SLC25A13: variants seen among roughly 807,000 people sequenced by gnomAD.
SLC25A13 encodes the protein solute carrier family 25 member 13.
In SLC25A13, 70 loss-of-function variants were observed where a neutral mutation model predicts 85.5. That is an observed-to-expected ratio of 0.82 (90% CI 0.68 to 1.00). The LOEUF is 1.00. SLC25A13 is among the 50% of genes least tolerant of loss of function. The pLI is 0.00. For missense variants in SLC25A13, 765 were observed against 819.8 expected (o/e 0.93, Z 0.82); for synonymous variants, 259 against 288.7 (o/e 0.90, Z 1.04).
intron 3 of SLC25A13, among the ~76,000 whole-genome samples, chr7:96,263,996 A>G (rs1465348515): frequency 2.0e-5 from 3 of 151,958 alleles, no homozygotes; most frequent in Non-Finnish European, 2.9e-5. Flanking sequence ...TCACCTTCTC[A>G]CCATCCCTCA....
chr7:96,166,119 T>C (rs558517059), intron 13 of SLC25A13, among the ~76,000 whole-genome samples: 1 of 152,300 alleles, frequency 6.6e-6, no homozygotes, highest in South Asian at 2.1e-4. Flanking sequence ...CCAGTCCCTT[T>C]TAGAACCAGT....
Position 96,184,883 on chromosome 7 carries a change from T to C in SLC25A13, c.1018+44A>G, listed in dbSNP as rs775662045. 6.3e-5 allele frequency: 90 copies of C among 1,418,794 alleles called. 1 individual carries two copies. In the South Asian group the frequency reaches 7.2e-4, roughly 11 times the overall value. 87.9% of individuals were successfully genotyped at this position (1,418,794 alleles called of 1,614,324 possible). ...AGATGGAAAATCAGAGAAAAGAGAATAGGAATAACAAAAGTGAAAATTTTT... is the reference window on the plus strand; with the variant it reads ...AGATGGAAAATCAGAGAAAAGAGAACAGGAATAACAAAAGTGAAAATTTTT... On this transcript the variant is annotated intron_variant, in intron 10 of 17. Coordinates refer to ENST00000265631, the MANE Select transcript of SLC25A13 (RefSeq NM_014251.3).
At chr7:96,299,176 A>T (rs1280981488) in intron 1 of SLC25A13, among the ~76,000 whole-genome samples, 1 of 152,212 alleles carries the variant, frequency 6.6e-6, no homozygotes, top group Admixed American at 6.5e-5. Context: ...GCTATTTCAG[A>T]GTGAACCTCC....
rs148329449 is a variant in SLC25A13, at chr7:96,208,881, C to T, written c.425G>A (p.Arg142Lys). The stretch of plus-strand genomic sequence containing the variant: ...TTCCGCATATGTCAGGTGTCTTTTT[C>T]TTTCTTTTCCAAAATGTAGTTGCAC... ...EFVQLHFGKE[R>K]KRHLTYAEFT... The change falls in exon 5 of 18, where the codon AGA (arginine) becomes AAA (lysine). Residue 142 changes from arginine to lysine, a missense_variant. Coordinates refer to ENST00000265631, the MANE Select transcript of SLC25A13 (RefSeq NM_014251.3). 3.1e-6 allele frequency: 5 copies of T among 1,613,936 alleles called. No individual in the cohort carries two copies. The highest frequency in any genetic ancestry group is 4.2e-6 in the Non-Finnish European group (5 of 1,180,002).
At chr7:96,278,278 A>G (rs1798535439) in intron 2 of SLC25A13, among the ~76,000 whole-genome samples, 1 of 152,182 alleles carries the variant, frequency 6.6e-6, no homozygotes, top group Non-Finnish European at 1.5e-5. Flanking sequence ...ATCTACAAGA[A>G]CAAGCCTAGC....
intron 3 of SLC25A13, among the ~76,000 whole-genome samples, chr7:96,269,405 G>A (rs563017400): frequency 4.5e-4 from 68 of 152,318 alleles, no homozygotes; most frequent in African/African-American, 1.6e-3. Context: ...AAGTCTTTAG[G>A]AAGCAGCCAT....
At chr7:96,313,805 AAAGT>A (rs199851496) in intron 1 of SLC25A13, among the ~76,000 whole-genome samples, 3,144 of 152,300 alleles carry the variant, frequency 0.021, 66 homozygotes, top group African/African-American at 0.055. Context: ...AAAAAAAAAG[AAAGT>A]AAGACCCTTT....
intron 3 of SLC25A13, among the ~76,000 whole-genome samples, chr7:96,267,803 A>G (rs2116913231): frequency 6.6e-6 from 1 of 151,462 alleles, no homozygotes; most frequent in East Asian, 1.9e-4. Flanking sequence ...TCTGTCTCAA[A>G]AAAAAAAAAA....
At chr7:96,235,987 T>G (rs1198496900) in intron 3 of SLC25A13, among the ~76,000 whole-genome samples, 1 of 152,210 alleles carries the variant, frequency 6.6e-6, no homozygotes, top group Admixed American at 6.5e-5. Flanking sequence ...ACTCCAAGTT[T>G]CCGGAGGATA....
intron 14 of SLC25A13, among the ~76,000 whole-genome samples, chr7:96,139,862 T>C (rs966593570): frequency 2.6e-5 from 4 of 152,044 alleles, no homozygotes; most frequent in Admixed American, 1.3e-4. Flanking sequence ...TTGATAGACA[T>C]TTGGGTTATT....
intron 5 of SLC25A13, among the ~76,000 whole-genome samples, chr7:96,208,101 GATGAA>G (rs1379918191): frequency 6.6e-5 from 10 of 152,186 alleles, no homozygotes; most frequent in African/African-American, 2.4e-4. Context: ...AAAGGTGTCA[GATGAA>G]ATGATTCTGA....
rs963346233 is a variant in SLC25A13 at position 96,177,106 on chromosome 7, C to A, written c.1178-5582G>T. On this transcript the variant is annotated intron_variant, in intron 11 of 17. Transcript: ENST00000265631. Reference sequence around the variant, plus strand: ...AGACATAATGCTTCTTTCTACCTATCTTTTCAATACATAGCCTTGATTTCT... The same window carrying A: ...AGACATAATGCTTCTTTCTACCTATATTTTCAATACATAGCCTTGATTTCT... Among the ~76,000 whole-genome samples, 4 of 152,166 alleles carry A rather than the reference C, an allele frequency of 2.6e-5. No individual in the cohort carries two copies. In the South Asian group the frequency reaches 8.3e-4, roughly 32 times the overall value.
chr7:96,311,871 GCTCT>G (rs1188864597), intron 1 of SLC25A13, among the ~76,000 whole-genome samples: 2 of 152,066 alleles, frequency 1.3e-5, no homozygotes, highest in African/African-American at 4.8e-5. Context: ...AAATAAACAG[GCTCT>G]CTTTTATCCT....
At chr7:96,158,232 T>C (rs150136522) in intron 13 of SLC25A13, among the ~76,000 whole-genome samples, 117 of 152,268 alleles carry the variant, frequency 7.7e-4, no homozygotes, top group African/African-American at 2.7e-3. Context: ...AAGAACTCAT[T>C]AGATAAAAAT....
chr7:96,317,021 G>A (rs1011878721), intron 1 of SLC25A13, among the ~76,000 whole-genome samples: 5 of 152,122 alleles, frequency 3.3e-5, no homozygotes, highest in Admixed American at 2.6e-4. Flanking sequence ...CCAGGCTGGA[G>A]TGCAATGGCA....
rs561109708 is a variant in SLC25A13, at chr7:96,288,258, C to T, written c.69+8640G>A. ...CCAGTCTGGCCAGCATGGGGAAACC[C>T]GTCTCTACTAAAAATACAAAAATTG... is the stretch of plus-strand genomic sequence containing the variant. On this transcript the variant is annotated intron_variant, in intron 2 of 17. Transcript: ENST00000265631. Among the ~76,000 whole-genome samples, 6 of 152,266 alleles carry T rather than the reference C, an allele frequency of 3.9e-5. No individual in the cohort carries two copies. In the South Asian group the frequency reaches 8.3e-4, roughly 21 times the overall value.
rs1162734848 is a variant in SLC25A13, at chr7:96,277,316, C to T, written c.92G>A (p.Gly31Asp). The T allele has an allele frequency of 5.6e-6, 9 of 1,612,852 alleles. No individual in the cohort carries two copies. Among genetic ancestry groups the T allele is most frequent in the Admixed American group, 5.0e-5 (3 of 59,882 alleles). ...FLKYASIEKN[G>D]EFFMSPNDFV... The stretch of plus-strand genomic sequence containing the variant: ...GTCATTGGGGGACATGAAAAATTCA[C>T]CGTTTTTCTCAATGCTTGCATACTG... The change falls in exon 3 of 18, where the codon GGT becomes GAT. Residue 31 changes from glycine to aspartate, a missense_variant. By Grantham distance (94) the Gly-to-Asp change is moderately conservative. Coordinates refer to ENST00000265631, the MANE Select transcript of SLC25A13 (RefSeq NM_014251.3).
chr7:96,281,893 G>T (rs9649201), intron 2 of SLC25A13, among the ~76,000 whole-genome samples: 1 of 151,928 alleles, frequency 6.6e-6, no homozygotes, highest in Non-Finnish European at 1.5e-5. Context: ...CATGTCAAAG[G>T]TTGCTCCTTA....
At chr7:96,226,218 G>C (rs1298473906) in intron 4 of SLC25A13, among the ~76,000 whole-genome samples, 1 of 152,014 alleles carries the variant, frequency 6.6e-6, no homozygotes, top group African/African-American at 2.4e-5. Context: ...ACCACTCTTT[G>C]ATTCTATGAA....
Sources: gnomAD v4.1 joint callset for allele counts (sites outside exome capture counted in the v4.1 genomes callset) on GRCh38, gnomAD v4.1.1 for gene constraint, MANE v1.5 for transcripts, NCBI Gene and HGNC (gene_info 2026-07-23, HGNC 2026-07-21) for gene names.